FAM185A: variants seen among roughly 807,000 people sequenced by gnomAD.
FAM185A encodes family with sequence similarity 185 member A.
FAM185A carries 21 observed loss-of-function variants against 45.7 expected under a neutral mutation model. The ratio of observed to expected loss-of-function variants is 0.46; its 90% confidence interval spans 0.33 to 0.66. The LOEUF (loss-of-function observed/expected upper bound fraction) is 0.66. FAM185A is among the 30% of genes least tolerant of loss of function. The probability of loss-of-function intolerance (pLI) is 0.03; values close to 1 mark genes in which losing one functional copy is unlikely to be tolerated. For synonymous variants in FAM185A, 117 were observed against 194.0 expected, an observed-to-expected ratio of 0.60 and a Z score of 3.30; for missense variants, 305 against 485.4, an observed-to-expected ratio of 0.63 and a Z score of 3.49.
At chr7:102,789,650 A>G (rs1418825779) in intron 7 of FAM185A, among the ~76,000 whole-genome samples, 5 of 152,416 alleles carry the variant, frequency 3.3e-5, no homozygotes, top group Admixed American at 2.0e-4. Flanking sequence ...CAGAGGGTGC[A>G]ATGAGCCAAG....
intron 5 of FAM185A, among the ~76,000 whole-genome samples, 178 bp from the exon 6 acceptor site, chr7:102,777,075 G>C (rs1039033879): frequency 4.6e-5 from 7 of 152,104 alleles, no homozygotes; most frequent in Middle Eastern, 3.2e-3. Context: ...TAGATTTCTA[G>C]GTTTCTGATA....
chr7:102,803,668 A>G lies in FAM185A; in HGVS notation c.1067-4622A>G, dbSNP rs570909962. ...ACCACTCCTCTTCAACACAGTACTG[A>G]AAGTCCTAGCCAGAGCAGTCAGACA... On this transcript the variant is annotated intron_variant, in intron 7 of 7. Transcript: ENST00000413034. Among the ~76,000 whole-genome samples, 438 of 150,360 alleles carry G rather than the reference A, an allele frequency of 2.9e-3. 1 individual carries two copies. Among genetic ancestry groups the G allele is most frequent in the African/African-American group, 0.01 (413 of 40,354 alleles).
At chr7:102,833,390 T>C in the FAM185A span, among the ~76,000 whole-genome samples, 1 of 151,982 alleles carries the variant, frequency 6.6e-6, no homozygotes, top group African/African-American at 2.4e-5. Flanking sequence ...CCACCATTTA[T>C]TACCTCTTAA....
At chr7:102,751,464 T>C (rs544115336) in intron 1 of FAM185A, among the ~76,000 whole-genome samples, 3 of 151,972 alleles carry the variant, frequency 2.0e-5, no homozygotes, top group African/African-American at 7.2e-5. Context: ...TAGTTCTCTT[T>C]AGGTGATTTA....
At chr7:102,793,208 T>G (rs4727556) in intron 7 of FAM185A, among the ~76,000 whole-genome samples, 65,652 of 151,614 alleles carry the variant, frequency 0.43, 15,031 homozygotes, top group Admixed American at 0.53. Context: ...GTGTTTTTTT[T>G]TTGTTGTTGT....
chr7:102,835,900 C>T, the FAM185A span, among the ~76,000 whole-genome samples: 9 of 152,160 alleles, frequency 5.9e-5, no homozygotes, highest in African/African-American at 1.9e-4. Flanking sequence ...TGAGCCACCG[C>T]GCCCGGCCCC....
chr7:102,831,677 T>C, the FAM185A span, among the ~76,000 whole-genome samples: 2 of 152,136 alleles, frequency 1.3e-5, no homozygotes, highest in Non-Finnish European at 2.9e-5. Context: ...GCTTGAAGAT[T>C]GTGGTGTAAA....
At chr7:102,799,270 G>A (rs187142998) in intron 7 of FAM185A, among the ~76,000 whole-genome samples, 7,061 of 151,938 alleles carry the variant, frequency 0.046, 151 homozygotes, top group East Asian at 0.12. Context: ...TTAAAATGGG[G>A]TTGTGATATT....
intron 4 of FAM185A, among the ~76,000 whole-genome samples, chr7:102,765,321 ATGTAGATGTTCCATACAG>A (rs1372641376): frequency 1.3e-5 from 2 of 152,192 alleles, no homozygotes; most frequent in Non-Finnish European, 2.9e-5. Flanking sequence ...ATGACTGAAA[ATGTAGATGTTCCATACAG>A]TGTTTGGGCT....
At chr7:102,840,555 T>C in the FAM185A span, among the ~76,000 whole-genome samples, 1 of 152,178 alleles carries the variant, frequency 6.6e-6, no homozygotes, top group Non-Finnish European at 1.5e-5. Flanking sequence ...CCCAAGAAAA[T>C]GACAACTCAT....
chr7:102,788,183 G>A (rs1410616779), intron 7 of FAM185A, among the ~76,000 whole-genome samples: 1 of 152,078 alleles, frequency 6.6e-6, no homozygotes. Flanking sequence ...TGGCCAGGCT[G>A]CTCTCAAATT....
At chr7:102,833,117 C>CAGAAATT in the FAM185A span, 6 of 841,310 alleles carry the variant, frequency 7.1e-6, no homozygotes, top group Admixed American at 8.6e-5. Flanking sequence ...ATTTAAAAAA[C>CAGAAATT]CCATGTTACA....
chr7:102,838,043 A>G, the FAM185A span, among the ~76,000 whole-genome samples: 2 of 152,222 alleles, frequency 1.3e-5, no homozygotes, highest in South Asian at 4.1e-4. Flanking sequence ...ATGAGCTTCC[A>G]TATATGGCCC....
At chr7:102,826,356 G>A in the FAM185A span, among the ~76,000 whole-genome samples, 27 of 152,158 alleles carry the variant, frequency 1.8e-4, 1 homozygote, top group Admixed American at 1.7e-3. Flanking sequence ...TGCTTTAAAG[G>A]TCAGGCCAAA....
chr7:102,766,181 T>G (rs1482400961), intron 4 of FAM185A, among the ~76,000 whole-genome samples: 2 of 152,290 alleles, frequency 1.3e-5, no homozygotes, highest in Non-Finnish European at 2.9e-5. Context: ...GATGTAAGAG[T>G]GTTCATGTTA....
chr7:102,750,978 A>G (rs1222095370), intron 1 of FAM185A, among the ~76,000 whole-genome samples: 1 of 152,118 alleles, frequency 6.6e-6, no homozygotes, highest in Non-Finnish European at 1.5e-5. Context: ...CAGGTGCACA[A>G]TCATGGCCCA....
chr7:102,783,889 G>T (rs1164515710), intron 6 of FAM185A, among the ~76,000 whole-genome samples: 3 of 152,044 alleles, frequency 2.0e-5, no homozygotes, highest in African/African-American at 4.8e-5. Flanking sequence ...ATCAATGAAT[G>T]CAGGAGCTGG....
At chr7:102,774,888 A>T (rs1275613372) in intron 5 of FAM185A, among the ~76,000 whole-genome samples, 1 of 152,190 alleles carries the variant, frequency 6.6e-6, no homozygotes, top group Non-Finnish European at 1.5e-5. Context: ...GGCATAAGCC[A>T]CCACACCTGG....
the FAM185A span, among the ~76,000 whole-genome samples, chr7:102,849,172 C>T: frequency 2.6e-5 from 4 of 152,166 alleles, no homozygotes; most frequent in African/African-American, 4.8e-5. Context: ...CTCAAGAAAA[C>T]GATTTCTTAA....
Sources: allele counts gnomAD v4.1 joint callset (sites outside exome capture counted in the v4.1 genomes callset), GRCh38; gene constraint gnomAD v4.1.1; transcripts MANE v1.5; gene names NCBI Gene and HGNC (gene_info 2026-07-23, HGNC 2026-07-21).